ADCY2: variants seen among roughly 807,000 people sequenced by gnomAD.
ADCY2 encodes adenylate cyclase type 2.
ADCY2 carries 31 observed loss-of-function variants against 125.2 expected under a neutral mutation model. The observed-to-expected ratio is 0.25, with a 90% CI of 0.19 to 0.33. The LOEUF (loss-of-function observed/expected upper bound fraction) is 0.33. ADCY2 is among the 10% of genes least tolerant of loss of function. ADCY2 has a pLI of 1.00. For missense variants in ADCY2, 904 were observed against 1,418.2 expected, an observed-to-expected ratio of 0.64 and a Z score of 5.82; for synonymous variants, 512 against 548.4, an observed-to-expected ratio of 0.93 and a Z score of 0.93.
chr5:7,656,641 C>T lies in ADCY2; in HGVS notation c.720+30325C>T, dbSNP rs540095269. ...TTGTCCCATCCCCACTCATAGCACT[C>T]GAACCAGAGTACAGAATTCTATATG... On this transcript the variant is annotated intron_variant, in intron 4 of 24. Coordinates refer to ENST00000338316, the MANE Select transcript of ADCY2 (RefSeq NM_020546.3). Among the ~76,000 whole-genome samples, 20 of 152,296 alleles carry T rather than the reference C, an allele frequency of 1.3e-4. 1 individual carries two copies. In the South Asian group the frequency reaches 4.1e-3, roughly 32 times the overall value.
At position 7,599,803 on chromosome 5, in the gene ADCY2, G is replaced by A. The variant is rs138564968; in HGVS notation, c.571-26364G>A. ...TCAAAGTGCAGTATGGAAAGAGGTCGCCAAATAGGAGGAAGGAATTAGAAA... is the reference window on the plus strand; with the variant it reads ...TCAAAGTGCAGTATGGAAAGAGGTCACCAAATAGGAGGAAGGAATTAGAAA... On this transcript the variant is annotated intron_variant, in intron 3 of 24. Transcript: ENST00000338316. Among the ~76,000 whole-genome samples the A allele has an allele frequency of 8.3e-3, 1,260 of 152,262 alleles. 7 individuals are homozygous for A. The highest frequency in any genetic ancestry group is 0.013 in the Non-Finnish European group (874 of 68,018).
intron 2 of ADCY2, among the ~76,000 whole-genome samples, chr5:7,481,522 C>A (rs571138317): frequency 6.6e-6 from 1 of 151,530 alleles, no homozygotes; most frequent in East Asian, 2.0e-4. Flanking sequence ...TTGCCTCGGC[C>A]TCCCAAAGTG....
intron 3 of ADCY2, among the ~76,000 whole-genome samples, chr5:7,527,153 C>T (rs1734499606): frequency 6.6e-6 from 1 of 152,130 alleles, no homozygotes. Context: ...GTGGCTGCCT[C>T]CTGCCTGGTC....
At chr5:7,425,056 G>A (rs909008261) in intron 2 of ADCY2, among the ~76,000 whole-genome samples, 1 of 152,144 alleles carries the variant, frequency 6.6e-6, no homozygotes, top group Non-Finnish European at 1.5e-5. Flanking sequence ...CATGGGTCCT[G>A]TGACCTCCCT....
At chr5:7,778,132 A>G (rs1743800004) in intron 18 of ADCY2, among the ~76,000 whole-genome samples, 1 of 152,224 alleles carries the variant, frequency 6.6e-6, no homozygotes, top group Admixed American at 6.5e-5. Context: ...ACTGCTCTTC[A>G]AGGTGATGGT....
At chr5:7,505,704 G>A (rs1287390958) in intron 2 of ADCY2, among the ~76,000 whole-genome samples, 1 of 152,108 alleles carries the variant, frequency 6.6e-6, no homozygotes, top group Admixed American at 6.5e-5. Flanking sequence ...TCTTATTGTG[G>A]TAAGAGCCCA....
intron 3 of ADCY2, among the ~76,000 whole-genome samples, chr5:7,565,786 G>A (rs1033672360): frequency 6.6e-6 from 1 of 152,182 alleles, no homozygotes; most frequent in African/African-American, 2.4e-5. Flanking sequence ...TATGCTGTCT[G>A]CTCCCCTAAG....
chr5:7,825,271 C>G (rs1435489714), intron 24 of ADCY2, among the ~76,000 whole-genome samples: 2 of 152,128 alleles, frequency 1.3e-5, no homozygotes, highest in Non-Finnish European at 2.9e-5. Flanking sequence ...TGTGCCATGA[C>G]AATGCTGCTG....
At chr5:7,626,098 A>C in intron 3 of ADCY2, 69 bp from the exon 4 acceptor site, 2 of 1,520,400 alleles carry the variant, frequency 1.3e-6, no homozygotes, top group South Asian at 1.2e-5. Flanking sequence ...GCTAATGTGC[A>C]CTTTGTTTTG....
At chr5:7,816,832 T>C (rs1236508919) in intron 22 of ADCY2, 34 bp from the exon 23 acceptor site, 1 of 1,572,502 alleles carries the variant, frequency 6.4e-7, no homozygotes, top group East Asian at 2.2e-5. Context: ...TGTGATGCTC[T>C]AACTTCCATC....
chr5:7,762,726 A>C (rs1192611004), intron 16 of ADCY2, among the ~76,000 whole-genome samples: 1 of 149,008 alleles, frequency 6.7e-6, no homozygotes, highest in African/African-American at 2.5e-5. Flanking sequence ...TTTTCTCCGT[A>C]TTTTTTTTTT....
chr5:7,397,560 A>C (rs1739108353), intron 1 of ADCY2, among the ~76,000 whole-genome samples: 1 of 147,286 alleles, frequency 6.8e-6, no homozygotes, highest in Admixed American at 7.1e-5. Context: ...ATATGTGTCC[A>C]CCACCAAAGA....
chr5:7,818,744 C>T (rs79113149), intron 23 of ADCY2, among the ~76,000 whole-genome samples: 4,374 of 152,096 alleles, frequency 0.029, 195 homozygotes, highest in African/African-American at 0.1. Flanking sequence ...GATGAGATGA[C>T]CACACCAAAC....
chr5:7,766,577 A>G (rs1264871869), intron 16 of ADCY2, 110 bp from the exon 17 acceptor site: 4 of 1,095,638 alleles, frequency 3.7e-6, no homozygotes, highest in Non-Finnish European at 5.2e-6. Flanking sequence ...CCACATAAAC[A>G]ATCCTGTTTA....
intron 2 of ADCY2, among the ~76,000 whole-genome samples, chr5:7,416,006 T>C (rs937872153): frequency 2.6e-5 from 4 of 151,880 alleles, no homozygotes; most frequent in Non-Finnish European, 4.4e-5. Context: ...AGAGGAGCCA[T>C]GATGGGGAGA....
At chr5:7,479,802 A>G (rs925068374) in intron 2 of ADCY2, among the ~76,000 whole-genome samples, 21 of 152,090 alleles carry the variant, frequency 1.4e-4, no homozygotes, top group Non-Finnish European at 2.2e-4. Context: ...TCATGAGTTC[A>G]ATTGTTTTAA....
chr5:7,574,261 T>C (rs1183529727), intron 3 of ADCY2, among the ~76,000 whole-genome samples: 3 of 149,424 alleles, frequency 2.0e-5, no homozygotes, highest in African/African-American at 7.4e-5. Flanking sequence ...TTTATAGTCA[T>C]TTGGGTATAT....
At chr5:7,582,462 C>T (rs1007009271) in intron 3 of ADCY2, among the ~76,000 whole-genome samples, 3 of 151,914 alleles carry the variant, frequency 2.0e-5, no homozygotes, top group Admixed American at 6.6e-5. Flanking sequence ...TAACAAAGAT[C>T]GTAGAAAAGA....
chr5:7,576,231 G>C (rs909315794), intron 3 of ADCY2, among the ~76,000 whole-genome samples: 5 of 152,202 alleles, frequency 3.3e-5, no homozygotes, highest in African/African-American at 4.8e-5. Flanking sequence ...CTGTCACAGG[G>C]CTGCCACAGA....
Sources: allele counts gnomAD v4.1 joint callset (sites outside exome capture counted in the v4.1 genomes callset), GRCh38; gene constraint gnomAD v4.1.1; transcripts MANE v1.5; gene names NCBI Gene and HGNC (gene_info 2026-07-23, HGNC 2026-07-21).